PDLIM5: variants seen among roughly 807,000 people sequenced by gnomAD.
The protein encoded by PDLIM5 is PDZ and LIM domain protein 5.
Under a neutral mutation model 64.2 loss-of-function variants are expected in PDLIM5, and 34 were observed. That is an observed-to-expected ratio of 0.53 (90% CI 0.40 to 0.71). PDLIM5 has a LOEUF of 0.71. PDLIM5 is among the 30% of genes least tolerant of loss of function. The pLI, the probability that PDLIM5 is intolerant of heterozygous loss-of-function variation, is 0.00. For synonymous variants in PDLIM5, 253 were observed against 269.1 expected (o/e 0.94, Z 0.59); for missense variants, 683 against 733.6 (o/e 0.93, Z 0.80).
chr4:94,518,886 T>A (rs1729589517), intron 2 of PDLIM5, among the ~76,000 whole-genome samples: 1 of 152,148 alleles, frequency 6.6e-6, no homozygotes, highest in South Asian at 2.1e-4. Flanking sequence ...GTTTCCCTGT[T>A]CTCTTTTTTT....
chr4:94,554,463 C>T (rs995211634), intron 3 of PDLIM5, among the ~76,000 whole-genome samples: 1 of 150,946 alleles, frequency 6.6e-6, no homozygotes, highest in Non-Finnish European at 1.5e-5. Context: ...TATGTATATA[C>T]ATTCGTACGT....
chr4:94,633,040 A>G (rs1740282968), intron 8 of PDLIM5, among the ~76,000 whole-genome samples: 1 of 152,196 alleles, frequency 6.6e-6, no homozygotes, highest in Non-Finnish European at 1.5e-5. Flanking sequence ...AAAATTGGGT[A>G]TTTCATGATA....
intron 7 of PDLIM5, among the ~76,000 whole-genome samples, chr4:94,607,053 ATTTC>A (rs1336287968): frequency 6.6e-6 from 1 of 152,124 alleles, no homozygotes. Context: ...TGGTTCTTAT[ATTTC>A]TTAGTCTCTT....
intron 2 of PDLIM5, among the ~76,000 whole-genome samples, chr4:94,461,625 T>A (rs1328012200): frequency 6.6e-6 from 1 of 152,190 alleles, no homozygotes; most frequent in Non-Finnish European, 1.5e-5. Flanking sequence ...GTTTCCTGTT[T>A]AAGTATAGTT....
chr4:94,542,413 T>C (rs1277382343), intron 3 of PDLIM5, among the ~76,000 whole-genome samples: 1 of 152,154 alleles, frequency 6.6e-6, no homozygotes, highest in African/African-American at 2.4e-5. Context: ...AAAGGGAGAT[T>C]ACATTTATTA....
At chr4:94,472,146 T>A (rs77395415) in intron 2 of PDLIM5, among the ~76,000 whole-genome samples, 1 of 152,044 alleles carries the variant, frequency 6.6e-6, no homozygotes, top group Non-Finnish European at 1.5e-5. Context: ...GCAATTTTTT[T>A]AATACACACA....
chr4:94,572,361 G>T (rs1734878522), intron 3 of PDLIM5, among the ~76,000 whole-genome samples: 1 of 152,074 alleles, frequency 6.6e-6, no homozygotes, highest in Non-Finnish European at 1.5e-5. Flanking sequence ...TCCTGTCCAT[G>T]AATACAAACA....
At chr4:94,513,016 G>T (rs1220492945) in intron 2 of PDLIM5, among the ~76,000 whole-genome samples, 1 of 152,130 alleles carries the variant, frequency 6.6e-6, no homozygotes, top group Non-Finnish European at 1.5e-5. Context: ...TATGGTCTTG[G>T]CACTTCTGTT....
At position 94,523,808 on chromosome 4, in the gene PDLIM5, A is replaced by G; in HGVS notation, c.181A>G (p.Met61Val). The change falls in exon 3 of 13, where the codon ATG becomes GTG. Residue 61 changes from methionine to valine, a missense_variant. Transcript: ENST00000317968. ...CATTGATGGAATAAATGCACAAGGA[A>G]TGACTCATCTTGAAGCCCAGAATAA... is the stretch of plus-strand genomic sequence containing the variant. ...LSIDGINAQG[M>V]THLEAQNKIK... 1 of 1,612,332 alleles carries G rather than the reference A, an allele frequency of 6.2e-7. No individual in the cohort carries two copies. Among genetic ancestry groups the G allele is most frequent in the Non-Finnish European group, 8.5e-7 (1 of 1,178,372 alleles).
chr4:94,544,185 T>C (rs972034161), intron 3 of PDLIM5, among the ~76,000 whole-genome samples: 5 of 152,124 alleles, frequency 3.3e-5, no homozygotes, highest in African/African-American at 1.2e-4. Context: ...CTCTCCTCTT[T>C]TGTTTCTTAT....
intron 3 of PDLIM5, among the ~76,000 whole-genome samples, chr4:94,530,959 G>A (rs1467248155): frequency 6.6e-6 from 1 of 152,180 alleles, no homozygotes; most frequent in Admixed American, 6.5e-5. Context: ...TTCACCAATA[G>A]AATAGAGGCA....
intron 2 of PDLIM5, chr4:94,455,992 A>C: frequency 6.9e-7 from 1 of 1,444,148 alleles, no homozygotes; most frequent in Non-Finnish European, 9.1e-7. Flanking sequence ...TATTTTAAGG[A>C]TATGTTTTCA....
At chr4:94,663,846 C>T in intron 12 of PDLIM5, 132 bp from the exon 13 acceptor site, 1 of 754,722 alleles carries the variant, frequency 1.3e-6, no homozygotes, top group Non-Finnish European at 2.0e-6. Flanking sequence ...GGGAGTCTAA[C>T]TTAACCAACT....
At chr4:94,577,145 A>C (rs1410470433) in intron 5 of PDLIM5, 1 of 452,232 alleles carries the variant, frequency 2.2e-6, no homozygotes, top group Non-Finnish European at 4.4e-6. Context: ...TTATTGTGAC[A>C]AAAATGTACC....
intron 5 of PDLIM5, chr4:94,584,970 CTCTGTCAAT>C (rs1215524397): frequency 1.3e-6 from 2 of 1,519,476 alleles, no homozygotes; most frequent in Non-Finnish European, 1.8e-6. Flanking sequence ...TGCTGCCTTC[CTCTGTCAAT>C]TAAAAGGAAA....
At chr4:94,526,859 A>C (rs774180646) in intron 3 of PDLIM5, among the ~76,000 whole-genome samples, 27 of 150,666 alleles carry the variant, frequency 1.8e-4, no homozygotes, top group Non-Finnish European at 3.4e-4. Flanking sequence ...CAGCCTCCCG[A>C]GTTGCTGGGA....
At chr4:94,604,908 C>T (rs1479043257) in intron 7 of PDLIM5, among the ~76,000 whole-genome samples, 3 of 152,064 alleles carry the variant, frequency 2.0e-5, no homozygotes, top group Admixed American at 6.6e-5. Context: ...TGAATTTAGC[C>T]ACAAGAAGGT....
intron 5 of PDLIM5, chr4:94,585,019 A>G: frequency 7.9e-7 from 1 of 1,269,544 alleles, no homozygotes; most frequent in Non-Finnish European, 1.1e-6. Flanking sequence ...CTTTCTGTTG[A>G]ATACATTCTA....
intron 3 of PDLIM5, among the ~76,000 whole-genome samples, chr4:94,562,052 T>G (rs1261723673): frequency 6.6e-6 from 1 of 152,222 alleles, no homozygotes; most frequent in Non-Finnish European, 1.5e-5. Flanking sequence ...GAGGATATCA[T>G]TGCGTGCAGA....
Sources: gnomAD v4.1 joint callset for allele counts (sites outside exome capture counted in the v4.1 genomes callset) on GRCh38, gnomAD v4.1.1 for gene constraint, MANE v1.5 for transcripts, NCBI Gene and HGNC (gene_info 2026-07-23, HGNC 2026-07-21) for gene names.